SAP30BP: variants seen among roughly 807,000 people sequenced by gnomAD.
SAP30BP encodes the protein SAP30-binding protein.
A neutral mutation model predicts 46.3 loss-of-function variants in SAP30BP; 31 were observed. The ratio of observed to expected loss-of-function variants is 0.67; its 90% CI spans 0.50 to 0.90. The LOEUF is 0.90. Among genes scored for constraint, SAP30BP ranks in the 40% least tolerant of loss-of-function variants. The pLI, the probability that SAP30BP is intolerant of heterozygous loss-of-function variation, is 0.00. For missense variants in SAP30BP, 312 were observed against 391.0 expected, an observed-to-expected ratio of 0.80 and a Z score of 1.70; for synonymous variants, 169 against 144.2, an observed-to-expected ratio of 1.17 and a Z score of -1.23.
At chr17:75,671,640 A>G (rs1317607620) in intron 2 of SAP30BP, among the ~76,000 whole-genome samples, 176 bp from the exon 3 acceptor site, 1 of 151,322 alleles carries the variant, frequency 6.6e-6, no homozygotes, top group Non-Finnish European at 1.5e-5. Context: ...CCCCTCCAGA[A>G]TATCTCTTTT....
intron 5 of SAP30BP, chr17:75,700,299 ATT>A (rs1367874584): frequency 1.3e-5 from 2 of 152,770 alleles, no homozygotes; most frequent in African/African-American, 4.8e-5. Flanking sequence ...ATCCTAATCT[ATT>A]TCTAAAATGC....
chr17:75,668,413 G>C, intron 1 of SAP30BP, 103 bp from the exon 2 acceptor site: 1 of 648,274 alleles, frequency 1.5e-6, no homozygotes, highest in Non-Finnish European at 2.6e-6. Flanking sequence ...TATCTTCAGA[G>C]ATAGTCTTGG....
Position 75,668,576 on chromosome 17 carries a change from G to T in SAP30BP, c.167G>T (p.Gly56Val). Residue 56 changes from glycine to valine, a missense_variant, in exon 2 of 11, where the codon GGT (glycine) becomes GTT (valine). Gly to Val is a moderately radical substitution (Grantham distance 109). Transcript: ENST00000584667. Reference sequence around the variant, plus strand: ...GAGGATGACTTTTCTCGTCTAGGGGGTGATGAAGATGGTTATGAAGAAGAA... The same window carrying T: ...GAGGATGACTTTTCTCGTCTAGGGGTTGATGAAGATGGTTATGAAGAAGAA... ...YGEDDFSRLGGDEDGYEEEED... is the reference protein window; with the variant it reads ...YGEDDFSRLGVDEDGYEEEED... 2 of 1,607,582 alleles carry T rather than the reference G, an allele frequency of 1.2e-6. No homozygotes were observed. The highest frequency in any genetic ancestry group is 1.7e-5 in the Admixed American group (1 of 58,496).
chr17:75,702,633 C>T, intron 6 of SAP30BP, 62 bp downstream of exon 6: 5 of 784,076 alleles, frequency 6.4e-6, no homozygotes, highest in Non-Finnish European at 8.6e-6. Flanking sequence ...AGGACTAAGA[C>T]GTCCCCAAGG....
At chr17:75,697,484 G>T (rs374295653) in intron 4 of SAP30BP, among the ~76,000 whole-genome samples, 33 of 152,310 alleles carry the variant, frequency 2.2e-4, no homozygotes, top group Non-Finnish European at 1.2e-4. Flanking sequence ...AAAGGAAGGT[G>T]CTGGGCAAAG....
At chr17:75,703,074 G>C (rs1169524724) in intron 6 of SAP30BP, 1 of 566,186 alleles carries the variant, frequency 1.8e-6, no homozygotes, top group Non-Finnish European at 3.2e-6. Context: ...CAGCTGTGCA[G>C]ACTGAAGGTC....
chr17:75,669,566 T>A (rs1031006518), intron 2 of SAP30BP, among the ~76,000 whole-genome samples: 6 of 152,072 alleles, frequency 3.9e-5, no homozygotes, highest in South Asian at 2.1e-4. Context: ...TAAAAAAAAA[T>A]TTTTTGTAGA....
At chr17:75,690,255 G>A (rs543794771) in intron 3 of SAP30BP, among the ~76,000 whole-genome samples, 1 of 152,240 alleles carries the variant, frequency 6.6e-6, no homozygotes, top group South Asian at 2.1e-4. Context: ...GACATGACTG[G>A]TAAGAGGGCA....
intron 3 of SAP30BP, among the ~76,000 whole-genome samples, chr17:75,687,618 G>GAAAAAAA (rs112544254): frequency 8.8e-6 from 1 of 113,470 alleles, no homozygotes. Context: ...CCTGTCTCAG[G>GAAAAAAA]AAAAAAAAAA....
At chr17:75,672,413 T>A (rs1263126348) in intron 3 of SAP30BP, among the ~76,000 whole-genome samples, 2 of 152,210 alleles carry the variant, frequency 1.3e-5, no homozygotes, top group Non-Finnish European at 2.9e-5. Flanking sequence ...ATAACTATTC[T>A]CATAGTGTCA....
At chr17:75,673,257 C>T (rs138571002) in intron 3 of SAP30BP, among the ~76,000 whole-genome samples, 79 of 152,242 alleles carry the variant, frequency 5.2e-4, no homozygotes, top group African/African-American at 1.9e-3. Flanking sequence ...GTAAATGCAA[C>T]CTGCTTTCTA....
At chr17:75,703,014 A>G (rs1031155868) in intron 6 of SAP30BP, 1 of 445,360 alleles carries the variant, frequency 2.2e-6, no homozygotes, top group Non-Finnish European at 4.1e-6. Flanking sequence ...AGTGACATAC[A>G]GGGAAAAGAG....
chr17:75,702,698 T>A, intron 6 of SAP30BP, 127 bp downstream of exon 6: 1 of 525,314 alleles, frequency 1.9e-6, no homozygotes, highest in Non-Finnish European at 3.5e-6. Flanking sequence ...GTCATTACAC[T>A]GAGTGCCTGC....
At chr17:75,669,899 G>T (rs1381353234) in intron 2 of SAP30BP, among the ~76,000 whole-genome samples, 1 of 152,206 alleles carries the variant, frequency 6.6e-6, no homozygotes, top group East Asian at 1.9e-4. Flanking sequence ...TGAAGTTGGT[G>T]CTTAGCATAA....
chr17:75,705,525 G>C, intron 9 of SAP30BP: 2 of 716,926 alleles, frequency 2.8e-6, no homozygotes, highest in Non-Finnish European at 3.5e-6. Context: ...GTGGGAGCTG[G>C]TGCAAGGGGA....
At chr17:75,678,934 G>A (rs1479523714) in intron 3 of SAP30BP, among the ~76,000 whole-genome samples, 2 of 152,036 alleles carry the variant, frequency 1.3e-5, no homozygotes, top group African/African-American at 4.8e-5. Flanking sequence ...GGCCACAAGT[G>A]GGTTGAGCTG....
chr17:75,686,670 C>T (rs2060162240), intron 3 of SAP30BP, among the ~76,000 whole-genome samples: 1 of 152,180 alleles, frequency 6.6e-6, no homozygotes, highest in Non-Finnish European at 1.5e-5. Flanking sequence ...TTGAGTGTTT[C>T]CATTCCCAGG....
chr17:75,673,818 G>A (rs1362916253), intron 3 of SAP30BP, among the ~76,000 whole-genome samples: 1 of 152,146 alleles, frequency 6.6e-6, no homozygotes, highest in South Asian at 2.1e-4. Context: ...TTGTGCTCAG[G>A]CTCCCCTTCT....
rs1006457252 is a variant in SAP30BP, at chr17:75,707,714, C to A, written c.*1193C>A. On this transcript the variant is annotated 3_prime_UTR_variant, in exon 11 of 11. Transcript: ENST00000584667. ...GCACTTCAGGAGGTCAGTTCTCACC[C>A]CTTCCTCGATGGGGCTTTAAAGCTC... 1 of 152,482 alleles carries A rather than the reference C, an allele frequency of 6.6e-6. No homozygotes were observed. The highest frequency in any genetic ancestry group is 1.9e-4 in the East Asian group (1 of 5,200). The allele number at this position is 152,482 out of a possible 1,614,324, so 9.4% of individuals were successfully genotyped here.
Sources: gnomAD v4.1 joint callset for allele counts (sites outside exome capture counted in the v4.1 genomes callset) on GRCh38, gnomAD v4.1.1 for gene constraint, MANE v1.5 for transcripts, NCBI Gene and HGNC (gene_info 2026-07-23, HGNC 2026-07-21) for gene names.